TMEM131L: variants seen among roughly 807,000 people sequenced by gnomAD.
The protein encoded by TMEM131L is transmembrane 131 like, also known as transmembrane protein 131-like.
In TMEM131L, 54 loss-of-function variants were observed where a neutral mutation model predicts 192.2. That is an observed-to-expected ratio of 0.28 (90% CI 0.23 to 0.35). The LOEUF is 0.35. Ranked by LOEUF, TMEM131L falls within the 10% of genes least tolerant of loss-of-function variation. The pLI is 1.00. For synonymous variants in TMEM131L, 701 were observed against 704.9 expected (o/e 0.99, Z 0.09); for missense variants, 1,888 against 1,972.9 (o/e 0.96, Z 0.82).
chr4:153,590,663 G>A (rs949177958), intron 16 of TMEM131L, among the ~76,000 whole-genome samples: 1 of 152,110 alleles, frequency 6.6e-6, no homozygotes, highest in African/African-American at 2.4e-5. Flanking sequence ...ACATTTATTG[G>A]CAGATTTTTT....
chr4:153,578,328 C>T (rs1433492837), intron 7 of TMEM131L, among the ~76,000 whole-genome samples: 2 of 152,036 alleles, frequency 1.3e-5, no homozygotes, highest in African/African-American at 4.8e-5. Context: ...TGAATTGCCA[C>T]TGTGCTTCAG....
chr4:153,555,790 C>T lies in TMEM131L; in HGVS notation c.312C>T (p.Phe104=). ...QPSVLDFGIQ[F]LGHPVAKILH... is the part of the protein sequence containing the mutation. ...TTCTCTTTGTTTCTCCTCCTAGGTT[C>T]CTGGGACATCCTGTAGCAAAGATTC... Residue 104 remains phenylalanine, a synonymous_variant, in exon 5 of 35, where the codon TTC becomes TTT. Coordinates refer to ENST00000409959, the MANE Select transcript of TMEM131L (RefSeq NM_001131007.2). This position sits in a 1 kb window ranked among gnomAD's most constrained non-coding sequence, Gnocchi z 4.1. 1 of 1,551,088 alleles carries T rather than the reference C, an allele frequency of 6.4e-7. No individual in the cohort carries two copies. Among genetic ancestry groups the T allele is most frequent in the African/African-American group, 1.4e-5 (1 of 73,116 alleles).
chr4:153,611,804 C>T lies in TMEM131L; in HGVS notation c.3419-448C>T, dbSNP rs530946086. ...CATCCATGTTGTAGCATGTGCCAGACTTTCATTCCTTTTTTGAAAAAACCA... is the reference window on the plus strand; with the variant it reads ...CATCCATGTTGTAGCATGTGCCAGATTTTCATTCCTTTTTTGAAAAAACCA... On this transcript the variant is annotated intron_variant, in intron 25 of 34. Transcript: ENST00000409959. 7.2e-5 allele frequency among the ~76,000 whole-genome samples: 11 copies of T among 152,324 alleles called. No individual in the cohort carries two copies. The East Asian group carries it at 1.7e-3, about 24-fold the overall frequency.
chr4:153,594,362 C>T (rs1258555557), intron 19 of TMEM131L, among the ~76,000 whole-genome samples: 1 of 152,198 alleles, frequency 6.6e-6, no homozygotes, highest in Non-Finnish European at 1.5e-5. Context: ...GTCATGAGGT[C>T]TTGCCCAAAT....
intron 3 of TMEM131L, among the ~76,000 whole-genome samples, chr4:153,544,976 G>A (rs542719234): frequency 5.9e-5 from 9 of 152,304 alleles, no homozygotes; most frequent in East Asian, 3.9e-4. Context: ...TTGAAATGAC[G>A]TGTTTTGGTT....
chr4:153,480,208 G>A (rs1230814223), intron 3 of TMEM131L, among the ~76,000 whole-genome samples: 25 of 152,130 alleles, frequency 1.6e-4, no homozygotes, highest in African/African-American at 6.0e-4. Flanking sequence ...GCGTGGTGGC[G>A]GACGCCTGTA....
At chr4:153,583,285 T>C (rs370964517) in intron 10 of TMEM131L, 37 bp downstream of exon 10, 57 of 1,048,286 alleles carry the variant, frequency 5.4e-5, no homozygotes, top group Non-Finnish European at 6.3e-5. Context: ...ACTTTTAAAA[T>C]TGCAAGTGTG....
intron 26 of TMEM131L, among the ~76,000 whole-genome samples, chr4:153,614,318 A>G (rs1732826952): frequency 6.6e-6 from 1 of 152,260 alleles, no homozygotes; most frequent in African/African-American, 2.4e-5. Flanking sequence ...ACAAATGGTG[A>G]CATAGGCTAA....
chr4:153,606,650 T>C (rs925425530), intron 25 of TMEM131L, among the ~76,000 whole-genome samples: 2 of 152,226 alleles, frequency 1.3e-5, no homozygotes, highest in Admixed American at 1.3e-4. Flanking sequence ...TCATTGTAGA[T>C]GGTAAACCTG....
chr4:153,556,534 G>A (rs949704038), intron 5 of TMEM131L, among the ~76,000 whole-genome samples: 1 of 152,108 alleles, frequency 6.6e-6, no homozygotes, highest in African/African-American at 2.4e-5. Context: ...TAGGACTAAG[G>A]ATATGTTGTA....
chr4:153,525,448 T>C (rs1483699301), intron 3 of TMEM131L, among the ~76,000 whole-genome samples: 2 of 152,132 alleles, frequency 1.3e-5, no homozygotes, highest in Non-Finnish European at 2.9e-5. Flanking sequence ...CAGGCGATTT[T>C]CGTGCCTCAG....
intron 28 of TMEM131L, 111 bp from the exon 29 acceptor site, chr4:153,622,787 T>C: frequency 1.0e-6 from 1 of 966,130 alleles, no homozygotes; most frequent in South Asian, 1.4e-5. Flanking sequence ...TGAGCAGAGG[T>C]AGCTGAAGGT....
intron 3 of TMEM131L, among the ~76,000 whole-genome samples, chr4:153,480,731 T>C (rs1731882256): frequency 6.6e-6 from 1 of 152,200 alleles, no homozygotes; most frequent in African/African-American, 2.4e-5. Flanking sequence ...ATATATTTGT[T>C]GCTCTGTTGG....
chr4:153,487,762 A>T (rs554030464), intron 3 of TMEM131L, among the ~76,000 whole-genome samples: 202 of 143,066 alleles, frequency 1.4e-3, no homozygotes, highest in African/African-American at 5.3e-3. Context: ...CCTGTGGCTG[A>T]GCTGTATGTG....
chr4:153,611,315 G>A (rs879891531), intron 25 of TMEM131L, among the ~76,000 whole-genome samples: 30 of 152,296 alleles, frequency 2.0e-4, no homozygotes, highest in Non-Finnish European at 3.1e-4. Context: ...CTGGGGTTGT[G>A]TTCATTTTAT....
At chr4:153,578,514 C>T (rs1203375023) in intron 7 of TMEM131L, among the ~76,000 whole-genome samples, 1 of 150,772 alleles carries the variant, frequency 6.6e-6, no homozygotes, top group African/African-American at 2.5e-5. Context: ...CGCCACTATG[C>T]CCAGCTAGTT....
In TMEM131L at chr4:153,550,100, A is replaced by T; in HGVS notation, c.267A>T (p.Lys89Asn). 1 of 1,493,834 alleles carries T rather than the reference A, an allele frequency of 6.7e-7. No individual in the cohort carries two copies. Among genetic ancestry groups the T allele is most frequent in the Non-Finnish European group, 9.0e-7 (1 of 1,112,094 alleles). The allele number at this position is 1,493,834 out of a possible 1,614,324, so 92.5% of individuals were successfully genotyped here. The change falls in exon 4 of 35, where the codon AAA becomes AAT. Residue 89 changes from lysine to asparagine, a missense_variant. Physicochemically the swap from Lys to Asn is moderately conservative, Grantham distance 94. Coordinates refer to ENST00000409959, the MANE Select transcript of TMEM131L (RefSeq NM_001131007.2). ...QSFSDKLFSGKGLHFQPSVLD... is the reference protein window; with the variant it reads ...QSFSDKLFSGNGLHFQPSVLD... ...TCTCGGACAAACTATTTAGTGGAAA[A>T]GGCTTACATTTTCAGCCATCAGTTT...
intron 3 of TMEM131L, among the ~76,000 whole-genome samples, chr4:153,530,064 C>T (rs373694086): frequency 3.3e-5 from 5 of 149,600 alleles, no homozygotes; most frequent in African/African-American, 2.5e-5. Context: ...TGTGCTGCTT[C>T]CTGGAGAATA....
At chr4:153,545,090 G>A (rs1398325264) in intron 3 of TMEM131L, among the ~76,000 whole-genome samples, 1 of 152,168 alleles carries the variant, frequency 6.6e-6, no homozygotes, top group Non-Finnish European at 1.5e-5. Context: ...TCAGCAGACA[G>A]ATTTAATTTT....
Sources: gnomAD v4.1 joint callset for allele counts (sites outside exome capture counted in the v4.1 genomes callset) on GRCh38, gnomAD v4.1.1 for gene constraint, Gnocchi (gnomAD v3.1) non-coding constraint, MANE v1.5 for transcripts, NCBI Gene and HGNC (gene_info 2026-07-23, HGNC 2026-07-21) for gene names.